NEDD4: variants seen among roughly 807,000 people sequenced by gnomAD.
The protein encoded by NEDD4 is E3 ubiquitin-protein ligase NEDD4.
In NEDD4, 99 loss-of-function variants were observed where a neutral mutation model predicts 144.9. The observed-to-expected ratio is 0.68, with a 90% confidence interval of 0.58 to 0.81. The LOEUF is 0.81. NEDD4 is among the 30% of genes least tolerant of loss of function. The pLI, the probability that NEDD4 is intolerant of heterozygous loss-of-function variation, is 0.00. For missense variants in NEDD4, 985 were observed against 1,065.9 expected (o/e 0.92, Z 1.06); for synonymous variants, 318 against 350.6 (o/e 0.91, Z 1.04).
At chr15:55,924,068 A>G (rs1400915511) in intron 5 of NEDD4, among the ~76,000 whole-genome samples, 1 of 152,258 alleles carries the variant, frequency 6.6e-6, no homozygotes, top group Admixed American at 6.5e-5. Flanking sequence ...TTAGGAATTC[A>G]GAAATCAGAA....
intron 4 of NEDD4, among the ~76,000 whole-genome samples, chr15:55,940,760 A>G (rs1045805360): frequency 6.6e-6 from 1 of 151,064 alleles, no homozygotes; most frequent in African/African-American, 2.4e-5. Context: ...TTAAACTTTT[A>G]GGGGGCCCAC....
intron 5 of NEDD4, among the ~76,000 whole-genome samples, chr15:55,920,558 G>T (rs1246399650): frequency 6.6e-6 from 1 of 152,112 alleles, no homozygotes; most frequent in Non-Finnish European, 1.5e-5. Flanking sequence ...CTGGAAAAAA[G>T]TGATATAAGC....
chr15:55,934,738 C>G (rs1472219436), intron 4 of NEDD4: 1 of 151,052 alleles, frequency 6.6e-6, no homozygotes, highest in Non-Finnish European at 1.5e-5. Flanking sequence ...TTTCTTAGGT[C>G]CTTCCAGAAT....
chr15:55,973,661 G>A (rs536594647), intron 1 of NEDD4, among the ~76,000 whole-genome samples: 1 of 152,158 alleles, frequency 6.6e-6, no homozygotes, highest in Admixed American at 6.5e-5. Flanking sequence ...AAATTAAACA[G>A]TATGCTCCTG....
At chr15:55,885,198 C>T (rs556525905) in intron 5 of NEDD4, among the ~76,000 whole-genome samples, 5 of 152,142 alleles carry the variant, frequency 3.3e-5, no homozygotes, top group Admixed American at 2.0e-4. Context: ...GTATATCTGG[C>T]GAAAATGTCC....
intron 5 of NEDD4, among the ~76,000 whole-genome samples, chr15:55,879,083 C>CA (rs1423805529): frequency 6.6e-6 from 1 of 152,168 alleles, no homozygotes. Context: ...CTTGGACTCC[C>CA]AAAGTGCTGG....
At chr15:55,888,693 A>G (rs533754746) in intron 5 of NEDD4, among the ~76,000 whole-genome samples, 1 of 152,248 alleles carries the variant, frequency 6.6e-6, no homozygotes, top group Non-Finnish European at 1.5e-5. Context: ...ACATTACCTG[A>G]CATCAAATTA....
chr15:55,885,475 C>A (rs2035352719), intron 5 of NEDD4, among the ~76,000 whole-genome samples: 1 of 151,612 alleles, frequency 6.6e-6, no homozygotes, highest in Non-Finnish European at 1.5e-5. Flanking sequence ...ATGAACTGAT[C>A]AAAAATAGTA....
At chr15:55,915,526 TG>T in intron 5 of NEDD4, 1 of 1,613,960 alleles carries the variant, frequency 6.2e-7, no homozygotes, top group South Asian at 1.1e-5. Context: ...AATTCTCCAT[TG>T]ATATTTATTT....
At chr15:55,929,975 T>G (rs1371751290) in intron 4 of NEDD4, among the ~76,000 whole-genome samples, 1 of 152,106 alleles carries the variant, frequency 6.6e-6, no homozygotes, top group African/African-American at 2.4e-5. Context: ...AAGAAAAATT[T>G]GTGGAAATCT....
intron 1 of NEDD4, among the ~76,000 whole-genome samples, chr15:55,976,513 T>G (rs1372834078): frequency 6.6e-6 from 1 of 151,910 alleles, no homozygotes; most frequent in East Asian, 1.9e-4. Flanking sequence ...AAATCAAAAC[T>G]ACAATGAGAT....
At chr15:55,988,503 A>AAAAAAAAAAAAAAAAAAAAAAAAG (rs1566980054) in intron 1 of NEDD4, among the ~76,000 whole-genome samples, 1 of 147,802 alleles carries the variant, frequency 6.8e-6, no homozygotes, top group Non-Finnish European at 1.5e-5. Context: ...AAAAAAAAAA[A>AAAAAAAAAAAAAAAAAAAAAAAAG]AAAGAAAAAC....
chr15:55,917,850 C>T lies in NEDD4; in HGVS notation c.291+6796G>A, dbSNP rs115354156. On this transcript the variant is annotated intron_variant, in intron 5 of 28. Transcript: ENST00000435532. ...TGCAGATTAGAAAAAAAAAACTATA[C>T]CCCAAGATAGTTTGAACACACAGGA... Among the ~76,000 whole-genome samples the T allele has an allele frequency of 6.4e-3, 964 of 151,770 alleles. 8 individuals are homozygous for T. The highest frequency in any genetic ancestry group is 0.022 in the African/African-American group (927 of 41,420).
At chr15:55,949,617 A>G (rs2037198755) in intron 4 of NEDD4, among the ~76,000 whole-genome samples, 1 of 152,242 alleles carries the variant, frequency 6.6e-6, no homozygotes, top group Non-Finnish European at 1.5e-5. Context: ...AATACTATGC[A>G]GCCATACAAA....
intron 2 of NEDD4, among the ~76,000 whole-genome samples, chr15:55,964,647 G>C (rs1394507265): frequency 4.8e-5 from 4 of 83,080 alleles, no homozygotes; most frequent in African/African-American, 2.1e-4. Context: ...GAATTTTGCT[G>C]CTGGTGTGTG....
At chr15:55,832,706 C>T (rs2033011920) in intron 27 of NEDD4, among the ~76,000 whole-genome samples, 1 of 152,168 alleles carries the variant, frequency 6.6e-6, no homozygotes, top group Non-Finnish European at 1.5e-5. Flanking sequence ...TGAGCCACCC[C>T]TCCCGGCCAA....
chr15:55,848,705 A>G, intron 15 of NEDD4, 101 bp downstream of exon 15: 2 of 1,289,256 alleles, frequency 1.6e-6, no homozygotes, highest in Non-Finnish European at 2.2e-6. Flanking sequence ...TCAACATTTT[A>G]ATAATAACAT....
intron 5 of NEDD4, among the ~76,000 whole-genome samples, chr15:55,890,403 T>A (rs1225524438): frequency 2.0e-5 from 3 of 152,114 alleles, no homozygotes; most frequent in Non-Finnish European, 4.4e-5. Flanking sequence ...CCACTTTCTG[T>A]CTTTATGGAT....
At chr15:55,836,675 G>A (rs184181095) in intron 24 of NEDD4, among the ~76,000 whole-genome samples, 46 of 152,106 alleles carry the variant, frequency 3.0e-4, no homozygotes, top group African/African-American at 2.2e-4. Flanking sequence ...GCACGTGCAC[G>A]CCACCACGTC....
Sources: gnomAD v4.1 joint callset for allele counts (sites outside exome capture counted in the v4.1 genomes callset) on GRCh38, gnomAD v4.1.1 for gene constraint, MANE v1.5 for transcripts, NCBI Gene and HGNC (gene_info 2026-07-23, HGNC 2026-07-21) for gene names.